Variants in CSMD3 observed in about 807,000 individuals in gnomAD.
CSMD3 encodes CUB and Sushi multiple domains 3, also known as CUB and sushi domain-containing protein 3.
Under a neutral mutation model 435.2 loss-of-function variants are expected in CSMD3, and 177 were observed. The ratio of observed to expected loss-of-function variants is 0.41; its 90% CI spans 0.36 to 0.46. The LOEUF (loss-of-function observed/expected upper bound fraction) is 0.46. CSMD3 is among the 20% of genes least tolerant of loss of function. CSMD3 has a pLI of 0.34. For synonymous variants in CSMD3, 1,656 were observed against 1,520.5 expected, an observed-to-expected ratio of 1.09 and a Z score of -2.07; for missense variants, 4,265 against 4,504.6, an observed-to-expected ratio of 0.95 and a Z score of 1.52.
chr8:113,041,851 T>G lies in CSMD3; in HGVS notation c.918-22672A>C, dbSNP rs185309463. On this transcript the variant is annotated intron_variant, in intron 5 of 70. Transcript: ENST00000297405. ...CTTCTGTTTTATACATTAAAATTTT[T>G]AATCAGTCTGAGATATATTTTGCTT... is the stretch of plus-strand genomic sequence containing the variant. 7.9e-5 allele frequency among the ~76,000 whole-genome samples: 12 copies of G among 152,314 alleles called. No homozygotes were observed. The East Asian group carries it at 2.1e-3, about 27-fold the overall frequency.
intron 1 of CSMD3, chr8:113,377,003 A>G (rs2094388602): frequency 8.3e-7 from 1 of 1,198,968 alleles, no homozygotes; most frequent in South Asian, 1.3e-5. Context: ...GCCCGCAGCC[A>G]CATCTTCTAG....
intron 31 of CSMD3, among the ~76,000 whole-genome samples, chr8:112,486,256 G>A (rs1171960676): frequency 2.0e-5 from 3 of 151,760 alleles, no homozygotes; most frequent in Non-Finnish European, 2.9e-5. Flanking sequence ...GGCACTCTTT[G>A]GTTCTGGAGA....
chr8:112,327,028 A>G (rs527721336), intron 45 of CSMD3, among the ~76,000 whole-genome samples: 2 of 152,248 alleles, frequency 1.3e-5, no homozygotes, highest in East Asian at 3.9e-4. Context: ...TCTCAAAAAT[A>G]AATAAATAAG....
At chr8:112,241,895 T>C in intron 65 of CSMD3, 110 bp from the exon 66 acceptor site, 1 of 793,550 alleles carries the variant, frequency 1.3e-6, no homozygotes, top group South Asian at 1.4e-5. Context: ...GTCCATTTTA[T>C]TCTCTGACAT....
chr8:112,811,897 T>G (rs1467602757), intron 12 of CSMD3, among the ~76,000 whole-genome samples: 5 of 152,190 alleles, frequency 3.3e-5, no homozygotes, highest in Non-Finnish European at 5.9e-5. Context: ...CTCAAACACC[T>G]TGGTTTAGAT....
chr8:113,077,000 G>A (rs958596700), intron 5 of CSMD3, among the ~76,000 whole-genome samples: 1 of 152,158 alleles, frequency 6.6e-6, no homozygotes, highest in Non-Finnish European at 1.5e-5. Flanking sequence ...AGAAGTGGCT[G>A]TGGCTATAGA....
At chr8:113,415,872 A>G (rs2094579818) in intron 1 of CSMD3, among the ~76,000 whole-genome samples, 1 of 152,094 alleles carries the variant, frequency 6.6e-6, no homozygotes, top group Non-Finnish European at 1.5e-5. Flanking sequence ...AAGCTGCCAA[A>G]TAACATAATC....
intron 32 of CSMD3, among the ~76,000 whole-genome samples, chr8:112,458,908 G>A (rs1198805956): frequency 6.6e-6 from 1 of 152,010 alleles, no homozygotes; most frequent in African/African-American, 2.4e-5. Context: ...TGTGCCTGCT[G>A]CCATCATTAG....
chr8:112,356,966 G>T (rs1041110818), intron 38 of CSMD3, among the ~76,000 whole-genome samples: 2 of 152,152 alleles, frequency 1.3e-5, no homozygotes, highest in African/African-American at 2.4e-5. Context: ...GGTACCAGTA[G>T]AGTGGGGTGT....
At chr8:112,535,982 A>T (rs2131103041) in intron 27 of CSMD3, among the ~76,000 whole-genome samples, 1 of 152,292 alleles carries the variant, frequency 6.6e-6, no homozygotes, top group African/African-American at 2.4e-5. Flanking sequence ...TCGAAAGCTG[A>T]AACTGGATCC....
intron 1 of CSMD3, among the ~76,000 whole-genome samples, chr8:113,319,384 T>C (rs899945436): frequency 3.3e-5 from 5 of 152,056 alleles, no homozygotes; most frequent in African/African-American, 4.8e-5. Flanking sequence ...TCAGGTCTTT[T>C]GCCCATTTTT....
At chr8:113,190,332 GATA>G (rs913586885) in intron 3 of CSMD3, among the ~76,000 whole-genome samples, 12 of 151,852 alleles carry the variant, frequency 7.9e-5, no homozygotes, top group African/African-American at 1.2e-4. Flanking sequence ...TGTATTATTA[GATA>G]ATAATAAATG....
chr8:112,954,779 C>T lies in CSMD3; in HGVS notation c.1343-18G>A. 7.6e-7 allele frequency: 1 copy of T among 1,314,696 alleles called. No individual in the cohort carries two copies. The allele number at this position is 1,314,696 out of a possible 1,614,324, so 81.4% of individuals were successfully genotyped here. On this transcript the variant is annotated intron_variant, in intron 7 of 70. Transcript: ENST00000297405. Reference sequence around the variant, plus strand: ...CTTTTTCACTAGTTAAGAAAACAAACAAAAACATGTATCAGGAAATACAAT... The same window carrying T: ...CTTTTTCACTAGTTAAGAAAACAAATAAAAACATGTATCAGGAAATACAAT...
rs981100231 is a variant in CSMD3 at position 112,820,540 on chromosome 8, TA to T, written c.1859+9145del. Reference sequence around the variant, plus strand: ...TTATGATTGTTTAAATAGAACTGATTAAAAAAAAACTTCCTAGATTGCTCAC... The same window carrying T: ...TTATGATTGTTTAAATAGAACTGATTAAAAAAAACTTCCTAGATTGCTCAC... On this transcript the variant is annotated intron_variant, in intron 12 of 70. Coordinates refer to ENST00000297405, the MANE Select transcript of CSMD3 (RefSeq NM_198123.2). Among the ~76,000 whole-genome samples the T allele has an allele frequency of 1.2e-3, 179 of 151,446 alleles. 2 individuals carry two copies. Among genetic ancestry groups the T allele is most frequent in the African/African-American group, 4.0e-3 (167 of 41,308 alleles).
chr8:112,296,573 A>AAAAG (rs1179186834), intron 53 of CSMD3, among the ~76,000 whole-genome samples: 1 of 151,786 alleles, frequency 6.6e-6, no homozygotes, highest in African/African-American at 2.4e-5. Context: ...ATAAATAAAT[A>AAAAG]AAAGAAAGAA....
At chr8:113,193,039 T>C (rs1329302273) in intron 3 of CSMD3, among the ~76,000 whole-genome samples, 1 of 151,544 alleles carries the variant, frequency 6.6e-6, no homozygotes, top group Admixed American at 6.6e-5. Flanking sequence ...CCTATTGAAC[T>C]GCTTATACTC....
At chr8:112,817,912 T>C (rs1024745115) in intron 12 of CSMD3, among the ~76,000 whole-genome samples, 4 of 152,090 alleles carry the variant, frequency 2.6e-5, no homozygotes, top group South Asian at 2.1e-4. Flanking sequence ...TCCTTGGAGC[T>C]AAAGCCTCAA....
chr8:112,569,942 T>C (rs1829373503), intron 24 of CSMD3, among the ~76,000 whole-genome samples: 1 of 152,174 alleles, frequency 6.6e-6, no homozygotes, highest in African/African-American at 2.4e-5. Flanking sequence ...GTTCTGATTC[T>C]GTCAATGTGA....
intron 58 of CSMD3, 151 bp downstream of exon 58, chr8:112,286,913 G>A (rs769524870): frequency 2.9e-6 from 2 of 694,018 alleles, no homozygotes; most frequent in Non-Finnish European, 5.1e-6. Context: ...CTTAGGAGAT[G>A]GTTACAGTAT....
Sources: allele counts gnomAD v4.1 joint callset (sites outside exome capture counted in the v4.1 genomes callset), GRCh38; gene constraint gnomAD v4.1.1; transcripts MANE v1.5; gene names NCBI Gene and HGNC (gene_info 2026-07-23, HGNC 2026-07-21).